The following LAMA5 variants were observed in gnomAD, a reference collection of about 807,000 sequenced individuals.
LAMA5 encodes the protein laminin subunit alpha-5.
Under a neutral mutation model 433.4 loss-of-function variants are expected in LAMA5, and 260 were observed. The ratio of observed to expected loss-of-function variants is 0.60; its 90% CI spans 0.54 to 0.66. The LOEUF is 0.66. Ranked by LOEUF, LAMA5 falls within the 30% of genes least tolerant of loss-of-function variation. LAMA5 has a pLI of 0.00. For missense variants in LAMA5, 5,378 were observed against 5,258.5 expected, an observed-to-expected ratio of 1.02 and a Z score of -0.70; for synonymous variants, 2,620 against 2,226.6, an observed-to-expected ratio of 1.18 and a Z score of -4.97.
At position 62,312,295 on chromosome 20, in the gene LAMA5, G is replaced by A; in HGVS notation, c.9382C>T (p.His3128Tyr). 4 of 1,610,768 alleles carry A rather than the reference G, an allele frequency of 2.5e-6. No homozygotes were observed. Among genetic ancestry groups the A allele is most frequent in the Non-Finnish European group, 3.4e-6 (4 of 1,179,516 alleles). Residue 3128 changes from histidine (H) to tyrosine (Y), a missense_variant, in exon 69 of 80, where the codon CAT becomes TAT. His to Tyr is a moderately conservative substitution (Grantham distance 83). Transcript: ENST00000252999. ...GCCAGGCGAAGGAAGCCGTGGCCAT[G>A]GAAAGTCATGGCGCGCCCCACCTGC... ...DLLVGRAMTFHGHGFLRLALS... is the reference protein window; with the variant it reads ...DLLVGRAMTFYGHGFLRLALS...
Position 62,311,479 on chromosome 20 carries a change from C to T in LAMA5, c.9864G>A (p.Val3288=), listed in dbSNP as rs774003327. The stretch of plus-strand genomic sequence containing the variant: ...GCAGGGCGGGTGCACAGCCCGTGCT[C>T]ACATTGACGCTGCCCAGGTTCTGCT... ...DLQQNLGSVN[V]STGCAPALQA... is the part of the protein sequence containing the mutation. The change falls in exon 72 of 80, where the codon GTG becomes GTA. Residue 3288 remains valine, a synonymous_variant. Transcript: ENST00000252999. 6.2e-7 allele frequency: 1 copy of T among 1,610,274 alleles called. No individual in the cohort carries two copies. Among genetic ancestry groups the T allele is most frequent in the South Asian group, 1.1e-5 (1 of 90,740 alleles).
At chr20:62,342,764 C>T (rs1203314998) in intron 11 of LAMA5, among the ~76,000 whole-genome samples, 1 of 151,932 alleles carries the variant, frequency 6.6e-6, no homozygotes, top group African/African-American at 2.4e-5. Flanking sequence ...AGACTTTTAA[C>T]AAGTAAATAA....
chr20:62,326,812 C>T (rs1979371709), intron 39 of LAMA5, 52 bp from the exon 40 acceptor site: 1 of 1,599,352 alleles, frequency 6.3e-7, no homozygotes, highest in African/African-American at 1.3e-5. Context: ...GACCACGGTG[C>T]CACTGCGCCA....
chr20:62,364,137 A>C (rs2146378224), intron 1 of LAMA5, among the ~76,000 whole-genome samples: 1 of 152,262 alleles, frequency 6.6e-6, no homozygotes, highest in Non-Finnish European at 1.5e-5. Context: ...AGAGCAACTG[A>C]AGACACCCAG....
In LAMA5 at chr20:62,345,847, T is replaced by C; in HGVS notation, c.1448A>G (p.Glu483Gly). The C allele has an allele frequency of 6.4e-7, 1 of 1,552,476 alleles. No individual in the cohort carries two copies. The highest frequency in any genetic ancestry group is 1.2e-5 in the South Asian group (1 of 84,168). Residue 483 changes from glutamate to glycine, a missense_variant, in exon 11 of 80, where the codon GAG becomes GGG. Transcript: ENST00000252999. ...AATCTGGCCGGCTGGCAGCACCTGC[T>C]CCCTGGTGTCATTGGAGGACGAGGG... ...PTPSSSNDTR[E>G]QVLPAGQIVN...
chr20:62,327,434 C>T lies in LAMA5; in HGVS notation c.4939-28G>A, dbSNP rs944892. The stretch of plus-strand genomic sequence containing the variant: ...GTGGGCACACACGTGTGGCTGCACA[C>T]GGGTGGATGCCCACACATCACAGGG... On this transcript the variant is annotated intron_variant, in intron 37 of 79. Transcript: ENST00000252999. 1,444,041 of 1,592,256 alleles carry T rather than the reference C, an allele frequency of 0.91. 656,090 individuals are homozygous for T. The highest frequency in any genetic ancestry group is 0.98 in the East Asian group (43,847 of 44,550).
intron 9 of LAMA5, 30 bp downstream of exon 9, chr20:62,346,476 C>T (rs370993440): frequency 5.2e-5 from 81 of 1,544,364 alleles, no homozygotes; most frequent in Non-Finnish European, 7.1e-5. Flanking sequence ...CCCTGAGACC[C>T]AGGACACCCG....
chr20:62,344,719 G>C (rs765746418), intron 11 of LAMA5, among the ~76,000 whole-genome samples: 2 of 152,034 alleles, frequency 1.3e-5, no homozygotes, highest in South Asian at 4.2e-4. Context: ...AAAGTGCTGG[G>C]ATTACAGGTG....
chr20:62,356,350 C>T (rs1985231726), intron 2 of LAMA5: 1 of 152,586 alleles, frequency 6.6e-6, no homozygotes, highest in Non-Finnish European at 1.5e-5. Context: ...GAGCGCAGAC[C>T]CCTGGCTTCG....
chr20:62,350,759 C>T (rs1478761913), intron 6 of LAMA5, among the ~76,000 whole-genome samples: 3 of 152,294 alleles, frequency 2.0e-5, no homozygotes, highest in South Asian at 2.1e-4. Context: ...TTACACCCTC[C>T]GGGCACCACG....
At chr20:62,349,364 C>CA (rs1457225668) in intron 6 of LAMA5, among the ~76,000 whole-genome samples, 1 of 149,696 alleles carries the variant, frequency 6.7e-6, no homozygotes, top group African/African-American at 2.5e-5. Flanking sequence ...ACACCAATGG[C>CA]AAAAAGACCA....
At position 62,338,212 on chromosome 20, in the gene LAMA5, C is replaced by A; in HGVS notation, c.1756+20G>T. 3 of 1,580,106 alleles carry A rather than the reference C, an allele frequency of 1.9e-6. No individual in the cohort carries two copies. The highest frequency in any genetic ancestry group is 2.6e-6 in the Non-Finnish European group (3 of 1,160,094). ...CACGGGCCTCCCCTACCCACGCCCA[C>A]GTGGAGAGGCACCACTCACACTGGC... On this transcript the variant is annotated intron_variant, in intron 13 of 79. Transcript: ENST00000252999.
Position 62,315,181 on chromosome 20 carries a change from C to T in LAMA5, c.7894G>A (p.Ala2632Thr). ...TGGGCTTCAGCAGCCACAGCCTTGG[C>T]ATGTGCGATCTTCTTGCTTGTCTCG... Reference protein sequence around the residue: ...TDETSKKIAHAKAVAAEAQDT... With the variant: ...TDETSKKIAHTKAVAAEAQDT... Residue 2632 changes from alanine (A) to threonine (T), a missense_variant, in exon 59 of 80, where the codon GCC becomes ACC. By Grantham distance (58) the Ala-to-Thr change is moderately conservative. Coordinates refer to ENST00000252999, the MANE Select transcript of LAMA5 (RefSeq NM_005560.6). 1 of 1,609,920 alleles carries T rather than the reference C, an allele frequency of 6.2e-7. No individual in the cohort carries two copies. Among genetic ancestry groups the T allele is most frequent in the Non-Finnish European group, 8.5e-7 (1 of 1,178,830 alleles).
chr20:62,325,107 A>AGGCAGGCGGATGAGG, intron 41 of LAMA5: 1 of 527,568 alleles, frequency 1.9e-6, no homozygotes, highest in Non-Finnish European at 3.3e-6. Context: ...GATGAGGGGC[A>AGGCAGGCGGATGAGG]GGCAGGCGGA....
At position 62,351,617 on chromosome 20, in the gene LAMA5, C is replaced by A; in HGVS notation, c.956+87G>T. Reference sequence around the variant, plus strand: ...GTGGGCCATGGAACCAGGTCACCCACCCTCAGGTTAGGCAGGGGTGACAAG... The same window carrying A: ...GTGGGCCATGGAACCAGGTCACCCAACCTCAGGTTAGGCAGGGGTGACAAG... On this transcript the variant is annotated intron_variant, in intron 6 of 79. Transcript: ENST00000252999. 10 of 1,322,878 alleles carry A rather than the reference C, an allele frequency of 7.6e-6. No individual in the cohort carries two copies. In the South Asian group the frequency reaches 1.0e-4, roughly 13 times the overall value. The allele number at this position is 1,322,878 out of a possible 1,614,324, so 81.9% of individuals were successfully genotyped here. A position where few individuals can be genotyped will look rare whatever the true frequency, so the allele number is the denominator to read the frequency against.
chr20:62,312,793 T>TG lies in LAMA5; in HGVS notation c.9079-14dup. ...GGAACACCTGGATCTACAGGACCAG[T>TG]GGGGGCTCCAGGGCCAGCTGTGTCC... On this transcript the variant is annotated splice_polypyrimidine_tract_variant and intron_variant, in intron 66 of 79. Coordinates refer to ENST00000252999, the MANE Select transcript of LAMA5 (RefSeq NM_005560.6). 1.3e-6 allele frequency: 2 copies of TG among 1,594,902 alleles called. No individual in the cohort carries two copies. Among genetic ancestry groups the TG allele is most frequent in the Non-Finnish European group, 1.7e-6 (2 of 1,174,340 alleles).
chr20:62,336,903 C>A (rs1248135039), intron 16 of LAMA5, 117 bp from the exon 17 acceptor site: 1 of 945,362 alleles, frequency 1.1e-6, no homozygotes, highest in Non-Finnish European at 1.7e-6. Flanking sequence ...AGCACAGGTG[C>A]CTCTCATCCA....
At chr20:62,352,439 T>C in intron 3 of LAMA5, 79 bp from the exon 4 acceptor site, 1 of 1,070,572 alleles carries the variant, frequency 9.3e-7, no homozygotes, top group Non-Finnish European at 1.4e-6. Context: ...CCCCTTGACG[T>C]CTCCGGGCCT....
At position 62,315,984 on chromosome 20, in the gene LAMA5, T is replaced by C; in HGVS notation, c.7831A>G (p.Ile2611Val). Residue 2611 changes from isoleucine to valine, a missense_variant, in exon 58 of 80, where the codon ATC becomes GTC. By Grantham distance (29) the Ile-to-Val change is conservative (BLOSUM62 3). Coordinates refer to ENST00000252999, the MANE Select transcript of LAMA5 (RefSeq NM_005560.6). ...RAKKDQLEAH[I>V]QAAQAMLAMD... is the part of the protein sequence containing the mutation. ...GCAAGCATGGCCTGCGCCGCCTGGA[T>C]GTGCGCCTCCAGCTGGTCCTTCTTG... is the stretch of plus-strand genomic sequence containing the variant. The C allele has an allele frequency of 6.2e-7, 1 of 1,608,144 alleles. No individual in the cohort carries two copies. The highest frequency in any genetic ancestry group is 1.1e-5 in the South Asian group (1 of 90,424).
Sources: gnomAD v4.1 joint callset for allele counts (sites outside exome capture counted in the v4.1 genomes callset) on GRCh38, gnomAD v4.1.1 for gene constraint, MANE v1.5 for transcripts, NCBI Gene and HGNC (gene_info 2026-07-23, HGNC 2026-07-21) for gene names.